Variants in CPN1 observed in about 807,000 individuals in gnomAD.
The protein encoded by CPN1 is carboxypeptidase N subunit 1, also known as carboxypeptidase N catalytic chain.
In CPN1, 37 loss-of-function variants were observed where a neutral mutation model predicts 46.4. The observed-to-expected ratio is 0.80, with a 90% CI of 0.61 to 1.05. CPN1 has a LOEUF of 1.05. Among genes scored for constraint, CPN1 ranks in the 50% least tolerant of loss-of-function variants. The pLI is 0.00. For missense variants in CPN1, 563 were observed against 602.6 expected (o/e 0.93, Z 0.69); for synonymous variants, 224 against 235.4 (o/e 0.95, Z 0.44).
chr10:100,075,972 T>A lies in CPN1; in HGVS notation c.359A>T (p.Asp120Val). The A allele has an allele frequency of 6.2e-7, 1 of 1,614,172 alleles. No individual in the cohort carries two copies. Among genetic ancestry groups the A allele is most frequent in the Non-Finnish European group, 8.5e-7 (1 of 1,180,030 alleles). ...GGATGGCAGGATGTGAATGCGCGTGTCCTGGATGAGCTGGACGATGCGCTG... is the reference window on the plus strand; with the variant it reads ...GGATGGCAGGATGTGAATGCGCGTGACCTGGATGAGCTGGACGATGCGCTG... ...RNQRIVQLIQDTRIHILPSMN... is the reference protein window; with the variant it reads ...RNQRIVQLIQVTRIHILPSMN... The change falls in exon 2 of 9, where the codon GAC becomes GTC. Residue 120 changes from aspartate to valine, a missense_variant. Transcript: ENST00000370418.
chr10:100,053,968 T>A (rs527831647), intron 7 of CPN1, among the ~76,000 whole-genome samples: 1 of 152,064 alleles, frequency 6.6e-6, no homozygotes, highest in South Asian at 2.1e-4. Flanking sequence ...CACAGTCCTC[T>A]TTCTACCCGA....
At chr10:100,071,329 G>A (rs1479566785) in intron 2 of CPN1, among the ~76,000 whole-genome samples, 1 of 152,166 alleles carries the variant, frequency 6.6e-6, no homozygotes, top group African/African-American at 2.4e-5. Flanking sequence ...TTGTAATCAA[G>A]TCAACTGGAT....
chr10:100,055,236 TAA>T (rs879670786), intron 6 of CPN1, among the ~76,000 whole-genome samples: 3 of 144,252 alleles, frequency 2.1e-5, no homozygotes, highest in Admixed American at 7.0e-5. Context: ...AGACTCCATC[TAA>T]AAAAAAAAAA....
chr10:100,067,877 G>C (rs981582512), intron 3 of CPN1, among the ~76,000 whole-genome samples: 1 of 152,110 alleles, frequency 6.6e-6, no homozygotes, highest in African/African-American at 2.4e-5. Flanking sequence ...AAAGGGGCCA[G>C]GTGTGGTGGC....
At chr10:100,080,907 T>A (rs569816438) in intron 1 of CPN1, among the ~76,000 whole-genome samples, 1 of 151,678 alleles carries the variant, frequency 6.6e-6, no homozygotes, top group African/African-American at 2.4e-5. Flanking sequence ...AAATAAAAAA[T>A]AAAAAAGAAT....
chr10:100,070,966 G>A (rs559351743), intron 2 of CPN1, among the ~76,000 whole-genome samples: 80 of 152,184 alleles, frequency 5.3e-4, no homozygotes, highest in South Asian at 1.5e-3. Flanking sequence ...TCATCCTAGC[G>A]TAGGTAATAA....
chr10:100,073,368 C>T (rs2041496700), intron 2 of CPN1, among the ~76,000 whole-genome samples: 1 of 152,192 alleles, frequency 6.6e-6, no homozygotes, highest in African/African-American at 2.4e-5. Context: ...TTTCCCTGCA[C>T]ACTGGTCAAT....
At chr10:100,070,856 A>G (rs183731281) in intron 2 of CPN1, among the ~76,000 whole-genome samples, 128 of 152,362 alleles carry the variant, frequency 8.4e-4, no homozygotes, top group Non-Finnish European at 1.6e-3. Flanking sequence ...GAATTTTAGT[A>G]TGTTTACGGA....
At chr10:100,075,515 A>C (rs2041508708) in intron 2 of CPN1, among the ~76,000 whole-genome samples, 1 of 152,230 alleles carries the variant, frequency 6.6e-6, no homozygotes, top group Non-Finnish European at 1.5e-5. Context: ...AGTGTGGAAG[A>C]AAGAAAGGTA....
At chr10:100,042,696 T>C (rs2041283122) in intron 8 of CPN1, 123 bp from the exon 9 acceptor site, 1 of 1,235,662 alleles carries the variant, frequency 8.1e-7, no homozygotes, top group South Asian at 1.3e-5. Flanking sequence ...GCACTGGTGG[T>C]GTCATATAGA....
chr10:100,061,633 T>A (rs2041418914), intron 5 of CPN1, among the ~76,000 whole-genome samples: 1 of 152,128 alleles, frequency 6.6e-6, no homozygotes, highest in Non-Finnish European at 1.5e-5. Flanking sequence ...TGTACCAGCT[T>A]AATTTAGGGC....
intron 3 of CPN1, among the ~76,000 whole-genome samples, chr10:100,067,320 T>C (rs1297186718): frequency 6.6e-6 from 1 of 152,196 alleles, no homozygotes; most frequent in Non-Finnish European, 1.5e-5. Context: ...TTCACCATGT[T>C]AGCCAGGCTG....
intron 8 of CPN1, among the ~76,000 whole-genome samples, chr10:100,048,142 G>A (rs2041325688): frequency 6.6e-6 from 1 of 152,164 alleles, no homozygotes; most frequent in Admixed American, 6.5e-5. Flanking sequence ...TGGTGAAGGA[G>A]GCACTATTAT....
chr10:100,074,826 A>G (rs1409534139), intron 2 of CPN1, among the ~76,000 whole-genome samples: 3 of 152,128 alleles, frequency 2.0e-5, no homozygotes, highest in Non-Finnish European at 4.4e-5. Context: ...CTGCGGTGGG[A>G]CCTGGGAATC....
chr10:100,071,341 G>C (rs2041483638), intron 2 of CPN1, among the ~76,000 whole-genome samples: 1 of 152,140 alleles, frequency 6.6e-6, no homozygotes, highest in African/African-American at 2.4e-5. Flanking sequence ...CAACTGGATG[G>C]GCGGCACGCT....
chr10:100,064,356 G>T (rs1420704478), intron 4 of CPN1, among the ~76,000 whole-genome samples: 1 of 148,602 alleles, frequency 6.7e-6, no homozygotes, highest in East Asian at 1.9e-4. Context: ...AAATTATATA[G>T]ATATATTATA....
At chr10:100,063,759 G>A in intron 4 of CPN1, 34 bp from the exon 5 acceptor site, 1 of 1,522,326 alleles carries the variant, frequency 6.6e-7, no homozygotes, top group Non-Finnish European at 9.1e-7. Flanking sequence ...CGACCTTGAT[G>A]ATTCCCAACT....
chr10:100,065,167 A>G, intron 4 of CPN1, 21 bp downstream of exon 4: 1 of 1,604,660 alleles, frequency 6.2e-7, no homozygotes, highest in Non-Finnish European at 8.5e-7. Flanking sequence ...CCCTGGCGGG[A>G]CAAGCTGCTT....
intron 8 of CPN1, among the ~76,000 whole-genome samples, chr10:100,044,290 A>C (rs1183521545): frequency 6.6e-6 from 1 of 152,218 alleles, no homozygotes; most frequent in African/African-American, 2.4e-5. Flanking sequence ...TGAGGCAAGG[A>C]CAGAGGAAAA....
Sources: gnomAD v4.1 joint callset for allele counts (sites outside exome capture counted in the v4.1 genomes callset) on GRCh38, gnomAD v4.1.1 for gene constraint, MANE v1.5 for transcripts, NCBI Gene and HGNC (gene_info 2026-07-23, HGNC 2026-07-21) for gene names.